MCM5: variants seen among roughly 807,000 people sequenced by gnomAD.
MCM5 encodes the protein DNA replication licensing factor MCM5.
In MCM5, 46 loss-of-function variants were observed where a neutral mutation model predicts 79.9. That is an observed-to-expected ratio of 0.58 (90% CI 0.45 to 0.74). The LOEUF is 0.74. Among genes scored for constraint, MCM5 ranks in the 30% least tolerant of loss-of-function variants. The probability of loss-of-function intolerance (pLI) is 0.00; values close to 1 mark genes in which losing one functional copy is unlikely to be tolerated. For missense variants in MCM5, 883 were observed against 1,017.0 expected (o/e 0.87, Z 1.79); for synonymous variants, 404 against 390.5 (o/e 1.03, Z -0.41).
At chr22:35,436,858 T>A in the MCM5 span, among the ~76,000 whole-genome samples, 1 of 151,900 alleles carries the variant, frequency 6.6e-6, no homozygotes, top group East Asian at 1.9e-4. Flanking sequence ...AAAAGACGTT[T>A]ATCTGTGGGC....
chr22:35,410,572 G>A, intron 6 of MCM5, 172 bp from the exon 7 acceptor site: 2 of 658,184 alleles, frequency 3.0e-6, no homozygotes, highest in Non-Finnish European at 2.8e-6. Context: ...GAGTGACGTG[G>A]GGAGAGAGGC....
At chr22:35,420,951 G>A (rs955240569) in intron 14 of MCM5, among the ~76,000 whole-genome samples, 10 of 151,884 alleles carry the variant, frequency 6.6e-5, no homozygotes, top group African/African-American at 2.4e-4. Flanking sequence ...AACATAGCAA[G>A]ACTCCCATTT....
At chr22:35,446,867 C>T in the MCM5 span, among the ~76,000 whole-genome samples, 1 of 152,136 alleles carries the variant, frequency 6.6e-6, no homozygotes, top group Non-Finnish European at 1.5e-5. Context: ...TTCTAGTTCC[C>T]TCCGCAGAGA....
At chr22:35,401,247 C>T (rs934292373) in intron 2 of MCM5, 13 of 377,948 alleles carry the variant, frequency 3.4e-5, no homozygotes, top group African/African-American at 2.5e-4. Flanking sequence ...TCCTGTTCAT[C>T]TGCTTCCTAT....
chr22:35,403,240 G>GTAC lies in MCM5; in HGVS notation c.203_205dup (p.Tyr68dup). 6.2e-7 allele frequency: 1 copy of GTAC among 1,614,156 alleles called. No homozygotes were observed. Among genetic ancestry groups the GTAC allele is most frequent in the Non-Finnish European group, 8.5e-7 (1 of 1,180,030 alleles). On this transcript the variant is annotated inframe_insertion, in exon 3 of 17. Transcript: ENST00000216122. The stretch of plus-strand genomic sequence containing the variant: ...TCAAGCGGCATTACAACCTGGGGGA[G>GTAC]TACTGGATTGAGGTGGAGATGGAGG...
chr22:35,411,365 C>G (rs133418), intron 7 of MCM5: 14,333 of 155,374 alleles, frequency 0.092, 1,109 homozygotes, highest in African/African-American at 0.21. Flanking sequence ...AGGAGGAGGT[C>G]GGGGCTGGGC....
At chr22:35,408,091 A>G (rs1932270433) in intron 5 of MCM5, among the ~76,000 whole-genome samples, 1 of 152,178 alleles carries the variant, frequency 6.6e-6, no homozygotes, top group Non-Finnish European at 1.5e-5. Context: ...GAATTGATGA[A>G]CTAGCTCTTC....
downstream of MCM5, among the ~76,000 whole-genome samples, chr22:35,428,021 C>CTCT (rs1412063312): frequency 1.5e-5 from 2 of 132,400 alleles, no homozygotes; most frequent in African/African-American, 3.1e-5. Context: ...CTCTCTCTCT[C>CTCT]TTTTTTTTTT....
chr22:35,443,361 T>A, the MCM5 span, among the ~76,000 whole-genome samples: 1 of 152,128 alleles, frequency 6.6e-6, no homozygotes, highest in Non-Finnish European at 1.5e-5. Context: ...TAATTTTTTT[T>A]AATTTTTAGT....
chr22:35,438,190 T>C, the MCM5 span, among the ~76,000 whole-genome samples: 3 of 152,006 alleles, frequency 2.0e-5, no homozygotes, highest in Non-Finnish European at 4.4e-5. Flanking sequence ...CTGACTTCCA[T>C]CCATTCATCC....
chr22:35,435,752 C>T, the MCM5 span, among the ~76,000 whole-genome samples: 2 of 152,240 alleles, frequency 1.3e-5, no homozygotes, highest in African/African-American at 2.4e-5. Context: ...GCCTTGGAGG[C>T]GGAGGCCTGG....
intron 16 of MCM5, chr22:35,423,613 C>T (rs4645823): frequency 0.041 from 12,033 of 292,806 alleles, 1,436 homozygotes; most frequent in African/African-American, 0.24. Flanking sequence ...ACAAGTTCCC[C>T]GCAGCCCTTC....
chr22:35,403,089 G>A (rs1434094417), intron 2 of MCM5, 118 bp from the exon 3 acceptor site: 10 of 1,197,898 alleles, frequency 8.3e-6, no homozygotes, highest in African/African-American at 3.0e-5. Context: ...GAAGAGGAAT[G>A]GTGAGGTCAT....
At chr22:35,400,974 A>T (rs534101592) in intron 2 of MCM5, among the ~76,000 whole-genome samples, 253 of 151,960 alleles carry the variant, frequency 1.7e-3, no homozygotes, top group African/African-American at 5.9e-3. Flanking sequence ...CGCCATCACC[A>T]CGCCCGGATA....
chr22:35,450,176 G>A, the MCM5 span, among the ~76,000 whole-genome samples: 46 of 152,270 alleles, frequency 3.0e-4, no homozygotes, highest in East Asian at 6.4e-3. Flanking sequence ...AATGGAATCT[G>A]CCTCCTGGGA....
chr22:35,439,611 T>C, the MCM5 span, among the ~76,000 whole-genome samples: 1 of 152,228 alleles, frequency 6.6e-6, no homozygotes, highest in Non-Finnish European at 1.5e-5. Flanking sequence ...GGTTATCTTC[T>C]TCCCTCCTTT....
chr22:35,439,271 TCATCCATC>T, the MCM5 span, among the ~76,000 whole-genome samples: 4 of 142,716 alleles, frequency 2.8e-5, no homozygotes, highest in African/African-American at 1.1e-4. Flanking sequence ...ATCCATCCAA[TCATCCATC>T]CATCCATCTA....
the MCM5 span, among the ~76,000 whole-genome samples, chr22:35,438,468 C>CACAT: frequency 1.7e-5 from 1 of 60,016 alleles, no homozygotes; most frequent in African/African-American, 5.3e-5. Flanking sequence ...TTCATCCATC[C>CACAT]ATCCACATAT....
rs1932358952 is a variant in MCM5, at chr22:35,410,761, T to C, written c.770T>C (p.Val257Ala). The stretch of plus-strand genomic sequence containing the variant: ...CCTCTCAGGTACCTGTGTGACAAGG[T>C]CGTCCCTGGGAACAGGGTTACCATC... The part of the protein sequence containing the change: ...LYCDRYLCDK[V>A]VPGNRVTIMG... Residue 257 changes from valine to alanine, a missense_variant, in exon 7 of 17, where the codon GTC becomes GCC. Around this residue, in one of 3 missense-constraint regions of MCM5, gnomAD observed 455 missense variants for 517.5 expected, o/e 0.88. Coordinates refer to ENST00000216122, the MANE Select transcript of MCM5 (RefSeq NM_006739.4). The C allele has an allele frequency of 6.2e-7, 1 of 1,613,954 alleles. No homozygotes were observed. Among genetic ancestry groups the C allele is most frequent in the African/African-American group, 1.3e-5 (1 of 74,872 alleles).
Sources: gnomAD v4.1 joint callset for allele counts (sites outside exome capture counted in the v4.1 genomes callset) on GRCh38, gnomAD v4.1.1 for gene constraint, gnomAD v4.1.1 regional missense constraint, MANE v1.5 for transcripts, NCBI Gene and HGNC (gene_info 2026-07-23, HGNC 2026-07-21) for gene names.